Variants in PCDH11X observed in about 807,000 individuals in gnomAD.
PCDH11X encodes protocadherin-11 X-linked.
A neutral mutation model predicts 53.3 loss-of-function variants in PCDH11X; 18 were observed. The ratio of observed to expected loss-of-function variants is 0.34; its 90% CI spans 0.23 to 0.50. The LOEUF is 0.50. PCDH11X is among the 20% of genes least tolerant of loss of function. The pLI is 0.98. For synonymous variants in PCDH11X, 279 were observed against 393.3 expected (o/e 0.71, Z 3.44); for missense variants, 570 against 1,032.4 (o/e 0.55, Z 6.14).
intron 6 of PCDH11X, among the ~76,000 whole-genome samples, chrX:92,173,477 C>T (rs2065854424): frequency 9.1e-6 from 1 of 110,355 alleles, no homozygotes; most frequent in African/African-American, 3.3e-5. Flanking sequence ...ACAAGGAAGA[C>T]CATACCATTT....
At chrX:91,857,483 A>G (rs1408280842) in intron 5 of PCDH11X, among the ~76,000 whole-genome samples, 2 of 111,565 alleles carry the variant, frequency 1.8e-5, no homozygotes, top group Admixed American at 9.5e-5. Context: ...TCAAAAGCCC[A>G]AGTCCAAAGT....
chrX:92,571,728 C>T (rs1350251426), intron 10 of PCDH11X, among the ~76,000 whole-genome samples: 1 of 109,076 alleles, frequency 9.2e-6, no homozygotes, highest in East Asian at 2.9e-4. Context: ...AATAGGAATC[C>T]CTACTGAGAA....
intron 6 of PCDH11X, among the ~76,000 whole-genome samples, chrX:92,121,136 T>A (rs920035524): frequency 5.5e-5 from 6 of 108,836 alleles, no homozygotes; most frequent in African/African-American, 2.0e-4. Context: ...TTCTAAAATT[T>A]TTTTTGTTTT....
At chrX:92,242,011 C>T (rs2067270093) in intron 7 of PCDH11X, among the ~76,000 whole-genome samples, 1 of 109,178 alleles carries the variant, frequency 9.2e-6, no homozygotes, top group Admixed American at 9.9e-5. Context: ...GCAGGAGAAT[C>T]GTTTGAACCC....
intron 7 of PCDH11X, among the ~76,000 whole-genome samples, chrX:92,254,884 C>A (rs1274502506): frequency 9.4e-6 from 1 of 106,106 alleles, no homozygotes; most frequent in African/African-American, 3.4e-5. Context: ...TTTTTTCCTT[C>A]ATTTCAACTT....
intron 10 of PCDH11X, among the ~76,000 whole-genome samples, chrX:92,549,690 C>T (rs1027157615): frequency 2.1e-4 from 22 of 106,718 alleles, no homozygotes; most frequent in East Asian, 2.9e-4. Flanking sequence ...TTCACGATGG[C>T]GAAAGAGAGC....
At chrX:92,558,717 A>G (rs2075086728) in intron 10 of PCDH11X, among the ~76,000 whole-genome samples, 1 of 110,475 alleles carries the variant, frequency 9.1e-6, no homozygotes, top group South Asian at 3.9e-4. Flanking sequence ...CTTTCTATCA[A>G]AACATTTTTC....
chrX:92,080,412 A>C (rs5984873), intron 6 of PCDH11X, among the ~76,000 whole-genome samples: 32,873 of 109,954 alleles, frequency 0.3, 5,539 homozygotes, highest in African/African-American at 0.62. Flanking sequence ...ATTACTCGGA[A>C]TGTATAAAAA....
At chrX:92,382,130 CT>C (rs978646681) in intron 8 of PCDH11X, among the ~76,000 whole-genome samples, 2 of 111,850 alleles carry the variant, frequency 1.8e-5, no homozygotes, top group African/African-American at 6.5e-5. Flanking sequence ...AGGTTGTTTA[CT>C]ATTATAAAAT....
At chrX:92,182,823 C>T (rs187555608) in intron 6 of PCDH11X, among the ~76,000 whole-genome samples, 9 of 111,301 alleles carry the variant, frequency 8.1e-5, no homozygotes, top group Admixed American at 1.9e-4. Context: ...TGCCCAGTCT[C>T]GGGTATGTCT....
intron 6 of PCDH11X, among the ~76,000 whole-genome samples, chrX:92,114,991 C>T (rs909291281): frequency 9.1e-6 from 1 of 110,460 alleles, no homozygotes; most frequent in Non-Finnish European, 1.9e-5. Flanking sequence ...CACTACCATG[C>T]CCGGCTGGGG....
intron 6 of PCDH11X, among the ~76,000 whole-genome samples, chrX:92,093,995 A>G (rs2064090838): frequency 9.0e-6 from 1 of 111,117 alleles, no homozygotes; most frequent in Non-Finnish European, 1.9e-5. Context: ...GAAACTCATG[A>G]CTTCTTTTTA....
chrX:92,575,155 A>T (rs1306023559), intron 10 of PCDH11X, among the ~76,000 whole-genome samples: 3 of 110,630 alleles, frequency 2.7e-5, no homozygotes, highest in Non-Finnish European at 5.7e-5. Flanking sequence ...AAATTTGGGC[A>T]TATGCATGTA....
At chrX:91,797,800 G>A (rs1024202660) in intron 1 of PCDH11X, among the ~76,000 whole-genome samples, 12 of 109,943 alleles carry the variant, frequency 1.1e-4, no homozygotes, top group African/African-American at 4.0e-4. Flanking sequence ...CATATCCTTA[G>A]GGTATTTAGT....
intron 10 of PCDH11X, among the ~76,000 whole-genome samples, chrX:92,480,518 G>GT (rs1274368353): frequency 5.2e-4 from 53 of 102,908 alleles, no homozygotes; most frequent in Middle Eastern, 5.1e-3. Context: ...GTTTTGTGAG[G>GT]TTTTTTTTTT....
intron 4 of PCDH11X, among the ~76,000 whole-genome samples, chrX:91,819,738 G>A (rs1295455965): frequency 2.0e-5 from 2 of 98,886 alleles, no homozygotes; most frequent in African/African-American, 3.8e-5. Context: ...AGTTACATAC[G>A]TATACATGTG....
At chrX:91,973,396 A>T (rs1235070799) in intron 6 of PCDH11X, among the ~76,000 whole-genome samples, 3 of 103,930 alleles carry the variant, frequency 2.9e-5, no homozygotes, top group African/African-American at 1.1e-4. Context: ...TATGTAACTA[A>T]CCTGCACATT....
chrX:92,303,926 C>A (rs140310041), intron 8 of PCDH11X, among the ~76,000 whole-genome samples: 2 of 110,536 alleles, frequency 1.8e-5, no homozygotes, highest in Non-Finnish European at 3.8e-5. Context: ...CAATGCAACA[C>A]GAGTTTTAAA....
intron 6 of PCDH11X, among the ~76,000 whole-genome samples, chrX:92,198,777 T>C (rs1292073664): frequency 9.0e-6 from 1 of 111,428 alleles, no homozygotes; most frequent in Non-Finnish European, 1.9e-5. Context: ...TTGCAAAAAC[T>C]TTATTATTGT....
Sources: gnomAD v4.1 joint callset for allele counts (sites outside exome capture counted in the v4.1 genomes callset) on GRCh38, gnomAD v4.1.1 for gene constraint, MANE v1.5 for transcripts, NCBI Gene and HGNC (gene_info 2026-07-23, HGNC 2026-07-21) for gene names.